BMPER: variants seen among roughly 807,000 people sequenced by gnomAD.
BMPER encodes BMP binding endothelial regulator.
Under a neutral mutation model 87.3 loss-of-function variants are expected in BMPER, and 45 were observed. That is an observed-to-expected ratio of 0.52 (90% CI 0.41 to 0.66). The LOEUF (loss-of-function observed/expected upper bound fraction) is 0.66, where lower values mean the gene tolerates loss of function less well. BMPER is among the 30% of genes least tolerant of loss of function. The probability of loss-of-function intolerance (pLI) is 0.00; values close to 1 mark genes in which losing one functional copy is unlikely to be tolerated. For synonymous variants in BMPER, 326 were observed against 316.2 expected (o/e 1.03, Z -0.33); for missense variants, 784 against 867.5 (o/e 0.90, Z 1.21).
At chr7:34,084,572 T>C (rs1789148235) in intron 12 of BMPER, among the ~76,000 whole-genome samples, 1 of 152,182 alleles carries the variant, frequency 6.6e-6, no homozygotes, top group Non-Finnish European at 1.5e-5. Context: ...AACACACATT[T>C]GAGACATAAA....
chr7:34,153,911 G>A lies in BMPER; in HGVS notation c.*638G>A, dbSNP rs1201700761. On this transcript the variant is annotated 3_prime_UTR_variant, in exon 15 of 15. Coordinates refer to ENST00000649409, the MANE Select transcript of BMPER (RefSeq NM_001365308.1). Reference sequence around the variant, plus strand: ...CCAAGAAATATATATTTGTCACTAGGGCATAACCGAAGAATCAAGTGATTT... The same window carrying A: ...CCAAGAAATATATATTTGTCACTAGAGCATAACCGAAGAATCAAGTGATTT... 1.3e-5 allele frequency: 2 copies of A among 154,874 alleles called. No homozygotes were observed. Among genetic ancestry groups the A allele is most frequent in the African/African-American group, 4.8e-5 (2 of 41,392 alleles). 9.6% of individuals were successfully genotyped at this position (154,874 alleles called of 1,614,324 possible). A position where few individuals can be genotyped will look rare whatever the true frequency, so the allele number is the denominator to read the frequency against.
At chr7:33,922,340 G>T (rs921448234) in intron 2 of BMPER, among the ~76,000 whole-genome samples, 1 of 152,136 alleles carries the variant, frequency 6.6e-6, no homozygotes, top group Non-Finnish European at 1.5e-5. Context: ...TTTGTGTCTA[G>T]TTTTTCTGTC....
intron 13 of BMPER, among the ~76,000 whole-genome samples, chr7:34,135,469 G>A (rs1193333092): frequency 6.6e-6 from 1 of 152,168 alleles, no homozygotes; most frequent in Admixed American, 6.5e-5. Context: ...AGAAAGAAAT[G>A]TCATAACCAG....
At chr7:33,918,151 T>G (rs1362500019) in intron 2 of BMPER, among the ~76,000 whole-genome samples, 1 of 152,168 alleles carries the variant, frequency 6.6e-6, no homozygotes, top group African/African-American at 2.4e-5. Context: ...AGGATCTTGA[T>G]CTTAATTTCT....
Position 33,966,504 on chromosome 7 carries a change from T to C in BMPER, c.345T>C (p.Tyr115=). Residue 115 remains tyrosine, a synonymous_variant, in exon 4 of 15, where the codon TAT becomes TAC. Transcript: ENST00000649409. The part of the protein sequence containing the change: ...CKGCTYEGNT[Y]NSSFKWQSPA... ...GTTGCACCTATGAAGGAAATACCTA[T>C]AACAGCTCCTTCAAATGGCAGAGCC... 1.2e-6 allele frequency: 2 copies of C among 1,613,796 alleles called. No homozygotes were observed.
In BMPER at chr7:33,906,800, T is replaced by C. The variant is rs751494872; in HGVS notation, c.134-18T>C. On this transcript the variant is annotated intron_variant, in intron 1 of 14. Coordinates refer to ENST00000649409, the MANE Select transcript of BMPER (RefSeq NM_001365308.1). ...TAAGCTAACTTTAAATGAAACATTT[T>C]TCCCCCCTGAATTTCAGGTTCTGTT... The C allele has an allele frequency of 5.6e-6, 9 of 1,603,358 alleles. No homozygotes were observed. The highest frequency in any genetic ancestry group is 7.7e-6 in the Non-Finnish European group (9 of 1,170,446).
At chr7:33,982,512 A>G (rs73327184) in intron 6 of BMPER, among the ~76,000 whole-genome samples, 3,040 of 152,214 alleles carry the variant, frequency 0.02, 89 homozygotes, top group African/African-American at 0.069. Flanking sequence ...AAAAAAAAAA[A>G]AAGTTTTCTT....
intron 11 of BMPER, among the ~76,000 whole-genome samples, chr7:34,070,641 T>G (rs1384786626): frequency 6.6e-6 from 1 of 152,102 alleles, no homozygotes; most frequent in Non-Finnish European, 1.5e-5. Flanking sequence ...GGGATAATGA[T>G]GAGTAATATT....
At chr7:33,907,411 T>C (rs958192531) in intron 2 of BMPER, among the ~76,000 whole-genome samples, 1 of 152,244 alleles carries the variant, frequency 6.6e-6, no homozygotes. Context: ...TTGCCTGTTA[T>C]ACCCTAAACC....
chr7:34,096,473 T>TA (rs1789534917), intron 13 of BMPER, among the ~76,000 whole-genome samples: 1 of 152,150 alleles, frequency 6.6e-6, no homozygotes, highest in Admixed American at 6.5e-5. Flanking sequence ...TGGCAAAAAT[T>TA]AAAATTGATG....
intron 6 of BMPER, among the ~76,000 whole-genome samples, chr7:33,994,416 A>G (rs1002235408): frequency 5.3e-5 from 8 of 152,272 alleles, no homozygotes; most frequent in Non-Finnish European, 7.4e-5. Context: ...TCTTTGACTC[A>G]GAAAGGGAAC....
chr7:33,933,588 G>A (rs992001197), intron 2 of BMPER, among the ~76,000 whole-genome samples: 1 of 152,104 alleles, frequency 6.6e-6, no homozygotes, highest in African/African-American at 2.4e-5. Context: ...GCTTTCAGAG[G>A]CATGATAGGC....
Position 33,953,030 on chromosome 7 carries a change from C to A in BMPER, c.320-13449C>A, listed in dbSNP as rs564330330. Reference sequence around the variant, plus strand: ...TTGGAGGGCTGAAGATGTTTATCTGCAGACATGCTTGGGCATTGACTGGCT... The same window carrying A: ...TTGGAGGGCTGAAGATGTTTATCTGAAGACATGCTTGGGCATTGACTGGCT... On this transcript the variant is annotated intron_variant, in intron 3 of 14. Transcript: ENST00000649409. Among the ~76,000 whole-genome samples the A allele has an allele frequency of 1.4e-4, 21 of 152,328 alleles. No individual in the cohort carries two copies. In the East Asian group the frequency reaches 3.5e-3, roughly 25 times the overall value.
rs370024306 is a variant in BMPER, at chr7:34,081,699, C to T, written c.1408+2513C>T. On this transcript the variant is annotated intron_variant, in intron 12 of 14. Transcript: ENST00000649409. ...CCTGAAAGAATTACATCACATCTACCTGAAAGCATTAACACATGGAGAGCA... is the reference window on the plus strand; with the variant it reads ...CCTGAAAGAATTACATCACATCTACTTGAAAGCATTAACACATGGAGAGCA... 2.0e-5 allele frequency among the ~76,000 whole-genome samples: 3 copies of T among 152,296 alleles called. No individual in the cohort carries two copies. The South Asian group carries it at 6.2e-4, about 32-fold the overall frequency.
intron 13 of BMPER, among the ~76,000 whole-genome samples, chr7:34,110,082 C>G (rs1289233459): frequency 1.3e-5 from 2 of 152,172 alleles, no homozygotes; most frequent in Non-Finnish European, 2.9e-5. Flanking sequence ...AAGCAGCGAC[C>G]TGAATTTGAA....
At position 33,905,613 on chromosome 7, in the gene BMPER, G is replaced by C. The variant is rs577209363; in HGVS notation, c.-1G>C. On this transcript the variant is annotated 5_prime_UTR_variant, in exon 1 of 15. Transcript: ENST00000649409. ...TCGCCAGGGATTCCCTCCAGGTGACGATGCTCTGGTTCTCCGGCGTCGGGG... is the reference window on the plus strand; with the variant it reads ...TCGCCAGGGATTCCCTCCAGGTGACCATGCTCTGGTTCTCCGGCGTCGGGG... 1.1e-4 allele frequency: 184 copies of C among 1,612,280 alleles called. 1 individual carries two copies. The highest frequency in any genetic ancestry group is 4.5e-4 in the Admixed American group (27 of 59,998).
chr7:34,142,365 T>A (rs1562769955), intron 13 of BMPER, among the ~76,000 whole-genome samples: 1 of 152,208 alleles, frequency 6.6e-6, no homozygotes, highest in Non-Finnish European at 1.5e-5. Flanking sequence ...CAAGAAACTG[T>A]ATTATGCCTT....
intron 2 of BMPER, among the ~76,000 whole-genome samples, chr7:33,937,049 C>A (rs1439036643): frequency 6.6e-6 from 1 of 152,138 alleles, no homozygotes; most frequent in Admixed American, 6.5e-5. Flanking sequence ...CTAGGTGAAG[C>A]TGGCTTTGTA....
chr7:34,047,033 GA>G (rs2127958116), intron 7 of BMPER, among the ~76,000 whole-genome samples: 1 of 150,854 alleles, frequency 6.6e-6, no homozygotes, highest in South Asian at 2.1e-4. Flanking sequence ...TTATTATACT[GA>G]AAAGGAAGTA....
Sources: allele counts gnomAD v4.1 joint callset (sites outside exome capture counted in the v4.1 genomes callset), GRCh38; gene constraint gnomAD v4.1.1; transcripts MANE v1.5; gene names NCBI Gene and HGNC (gene_info 2026-07-23, HGNC 2026-07-21).